The following KSR1 variants were observed in gnomAD, a reference collection of about 807,000 sequenced individuals.
KSR1 encodes the protein kinase suppressor of ras.
Under a neutral mutation model 92.9 loss-of-function variants are expected in KSR1, and 35 were observed. That is an observed-to-expected ratio of 0.38 (90% CI 0.29 to 0.50). The LOEUF (loss-of-function observed/expected upper bound fraction) is 0.50, where lower values mean the gene tolerates loss of function less well. Among genes scored for constraint, KSR1 ranks in the 20% least tolerant of loss-of-function variants. The pLI, the probability that KSR1 is intolerant of heterozygous loss-of-function variation, is 0.94. For synonymous variants in KSR1, 467 were observed against 472.6 expected, an observed-to-expected ratio of 0.99 and a Z score of 0.15; for missense variants, 972 against 1,158.5, an observed-to-expected ratio of 0.84 and a Z score of 2.34.
chr17:27,582,885 C>T lies in KSR1; in HGVS notation c.760C>T (p.Leu254=). 6.2e-7 allele frequency: 1 copy of T among 1,613,344 alleles called. No homozygotes were observed. Among genetic ancestry groups the T allele is most frequent in the Non-Finnish European group, 8.5e-7 (1 of 1,179,640 alleles). ...SEGLSDTCIP[L]HASGRLTPRA... ...GGGCCTCTCAGACACCTGTATTCCC[C>T]TGCACGCCAGCGGCCGGCTGACCCC... is the stretch of plus-strand genomic sequence containing the variant. Residue 254 remains leucine (L), a synonymous_variant, in exon 4 of 21, where the codon CTG becomes TTG. Coordinates refer to ENST00000644974, the MANE Select transcript of KSR1 (RefSeq NM_001394583.1).
intron 2 of KSR1, among the ~76,000 whole-genome samples, chr17:27,570,419 C>T (rs960798458): frequency 5.3e-5 from 8 of 152,222 alleles, no homozygotes; most frequent in African/African-American, 1.7e-4. Context: ...GCCTGGCACG[C>T]AGGACATGTG....
At chr17:27,604,374 A>T (rs1409627851) in intron 12 of KSR1, among the ~76,000 whole-genome samples, 5 of 152,208 alleles carry the variant, frequency 3.3e-5, no homozygotes, top group South Asian at 2.1e-4. Context: ...TCAGATTCCG[A>T]GTCCTGTGGG....
At chr17:27,502,123 G>A (rs2069212474) in intron 1 of KSR1, among the ~76,000 whole-genome samples, 3 of 152,214 alleles carry the variant, frequency 2.0e-5, no homozygotes, top group Admixed American at 2.0e-4. Flanking sequence ...GTGAGCAAGG[G>A]GCTGAGAACT....
chr17:27,516,664 T>C (rs1218745096), intron 1 of KSR1, among the ~76,000 whole-genome samples: 2 of 152,372 alleles, frequency 1.3e-5, no homozygotes, highest in Middle Eastern at 3.4e-3. Flanking sequence ...GAGAGAACTT[T>C]TCGAAGCTGA....
At chr17:27,582,502 C>A in intron 3 of KSR1, 144 bp from the exon 4 acceptor site, 1 of 711,094 alleles carries the variant, frequency 1.4e-6, no homozygotes, top group Non-Finnish European at 2.3e-6. Context: ...CCTTTATAAA[C>A]CAGGTAAAGG....
At chr17:27,517,080 G>A (rs568074919) in intron 1 of KSR1, among the ~76,000 whole-genome samples, 60 of 152,222 alleles carry the variant, frequency 3.9e-4, no homozygotes, top group Non-Finnish European at 5.9e-4. Context: ...TCTTGTGGGA[G>A]AAATTTACAT....
In KSR1 at chr17:27,550,654, C is replaced by T. The variant is rs1314121016; in HGVS notation, c.318C>T (p.Tyr106=). ...PGERTPELNS[Y]PRFSDWLYTF... ...AGAGGACCCCAGAGCTCAACAGCTACCCCCGCTTCAGCGACTGGCTGTACA... is the reference window on the plus strand; with the variant it reads ...AGAGGACCCCAGAGCTCAACAGCTATCCCCGCTTCAGCGACTGGCTGTACA... Residue 106 remains tyrosine, a synonymous_variant, in exon 2 of 21, where the codon TAC becomes TAT. Transcript: ENST00000644974. 3.9e-6 allele frequency: 3 copies of T among 764,058 alleles called. No individual in the cohort carries two copies. Among genetic ancestry groups the T allele is most frequent in the Non-Finnish European group, 7.2e-6 (3 of 417,902 alleles). The allele number at this position is 764,058 out of a possible 1,614,324, so 47.3% of individuals were successfully genotyped here.
intron 11 of KSR1, chr17:27,601,847 C>A (rs372109015): frequency 1.7e-5 from 25 of 1,448,648 alleles, no homozygotes; most frequent in Non-Finnish European, 2.3e-5. Context: ...GGAAGGTCTG[C>A]GGGCTTCTCT....
chr17:27,470,242 T>G (rs1414279854), intron 1 of KSR1, among the ~76,000 whole-genome samples: 6 of 139,924 alleles, frequency 4.3e-5, no homozygotes, highest in African/African-American at 1.3e-4. Context: ...TTGTTTGTGT[T>G]TTTTTTTTTT....
chr17:27,613,343 T>C (rs1285052164), intron 18 of KSR1: 1 of 152,256 alleles, frequency 6.6e-6, no homozygotes, highest in Non-Finnish European at 1.5e-5. Flanking sequence ...TCTTGTCTCA[T>C]GACCAGGAAA....
At position 27,473,637 on chromosome 17, in the gene KSR1, G is replaced by A. The variant is rs556422485; in HGVS notation, c.231+16763G>A. Among the ~76,000 whole-genome samples the A allele has an allele frequency of 1.1e-4, 17 of 152,296 alleles. 1 individual carries two copies. The highest frequency in any genetic ancestry group is 4.1e-4 in the African/African-American group (17 of 41,564). On this transcript the variant is annotated intron_variant, in intron 1 of 20. Transcript: ENST00000644974. ...TTCTAGCTACAAAGGCAACATAGCA[G>A]GTAGTGCTTGGGTGTGATGGTGATA... is the stretch of plus-strand genomic sequence containing the variant.
chr17:27,570,531 T>G (rs2072264621), intron 2 of KSR1, among the ~76,000 whole-genome samples: 1 of 152,214 alleles, frequency 6.6e-6, no homozygotes, highest in Admixed American at 6.5e-5. Context: ...CTAAACAAGC[T>G]TTCAATCCCA....
Position 27,577,452 on chromosome 17 carries a change from A to G in KSR1, c.373-40A>G. The G allele has an allele frequency of 7.7e-7, 1 of 1,299,808 alleles. No homozygotes were observed. Among genetic ancestry groups the G allele is most frequent in the African/African-American group, 1.5e-5 (1 of 68,268 alleles). The allele number at this position is 1,299,808 out of a possible 1,614,324, so 80.5% of individuals were successfully genotyped here. A position where few individuals can be genotyped will look rare whatever the true frequency, so the allele number is the denominator to read the frequency against. Reference sequence around the variant, plus strand: ...GGCTGAGGGGCTCCCGGCCCAGCCGACTGCTCACCGCCTCTCTGCCTGTCC... The same window carrying G: ...GGCTGAGGGGCTCCCGGCCCAGCCGGCTGCTCACCGCCTCTCTGCCTGTCC... On this transcript the variant is annotated intron_variant, in intron 2 of 20. Transcript: ENST00000644974. The surrounding 1 kb of genome is among the most constrained non-coding windows in gnomAD (Gnocchi z 4.5).
chr17:27,620,722 C>T (rs185365639), intron 19 of KSR1, among the ~76,000 whole-genome samples: 21 of 152,258 alleles, frequency 1.4e-4, no homozygotes, highest in Admixed American at 1.3e-3. Flanking sequence ...CTAATCAGAC[C>T]GTGGGCAACT....
At chr17:27,469,939 T>C (rs1253272469) in intron 1 of KSR1, among the ~76,000 whole-genome samples, 2 of 152,156 alleles carry the variant, frequency 1.3e-5, no homozygotes. Context: ...TGAATTTGTT[T>C]TCTTGGGATA....
chr17:27,605,383 C>T (rs887383656), intron 13 of KSR1, 51 bp from the exon 14 acceptor site: 19 of 1,559,160 alleles, frequency 1.2e-5, no homozygotes, highest in South Asian at 9.6e-5. Context: ...GAAGAGACGT[C>T]GCAGAGCCCA....
At chr17:27,517,210 T>G (rs971907742) in intron 1 of KSR1, among the ~76,000 whole-genome samples, 1 of 152,238 alleles carries the variant, frequency 6.6e-6, no homozygotes, top group East Asian at 1.9e-4. Context: ...CCTTTAAGGG[T>G]GGCTACCTAT....
intron 11 of KSR1, among the ~76,000 whole-genome samples, chr17:27,603,139 C>T (rs1567877603): frequency 6.6e-6 from 1 of 152,202 alleles, no homozygotes; most frequent in South Asian, 2.1e-4. Context: ...ACCTTTGGTT[C>T]TGGTCTTCCT....
chr17:27,506,336 T>A (rs1302231603), intron 1 of KSR1, among the ~76,000 whole-genome samples: 1 of 152,250 alleles, frequency 6.6e-6, no homozygotes, highest in African/African-American at 2.4e-5. Flanking sequence ...AATACTACCC[T>A]AACTCATGAC....
Sources: allele counts gnomAD v4.1 joint callset (sites outside exome capture counted in the v4.1 genomes callset), GRCh38; gene constraint gnomAD v4.1.1; non-coding constraint Gnocchi (gnomAD v3.1); transcripts MANE v1.5; gene names NCBI Gene and HGNC (gene_info 2026-07-23, HGNC 2026-07-21).